The following EXOC5 variants were observed in gnomAD, a reference collection of about 807,000 sequenced individuals.
EXOC5 encodes the protein exocyst complex component 5, also known as SEC10-like 1.
In EXOC5, 17 loss-of-function variants were observed where a neutral mutation model predicts 90.8. The ratio of observed to expected loss-of-function variants is 0.19; its 90% CI spans 0.13 to 0.28. EXOC5 has a LOEUF of 0.28. EXOC5 is among the 10% of genes least tolerant of loss of function. EXOC5 has a pLI of 1.00. For missense variants in EXOC5, 569 were observed against 830.6 expected (o/e 0.69, Z 3.87); for synonymous variants, 260 against 270.0 (o/e 0.96, Z 0.36).
In EXOC5 at chr14:57,219,344, C is replaced by A; in HGVS notation, c.1504G>T (p.Asp502Tyr). 1 of 1,530,472 alleles carries A rather than the reference C, an allele frequency of 6.5e-7. No individual in the cohort carries two copies. The highest frequency in any genetic ancestry group is 2.4e-5 in the East Asian group (1 of 42,304). 94.8% of individuals were successfully genotyped at this position (1,530,472 alleles called of 1,614,324 possible). A position where few individuals can be genotyped will look rare whatever the true frequency, so the allele number is the denominator to read the frequency against. ...AACCTTATTAGTGGCATAAGGTGAT[C>A]ATTAAACTGTTTGTCAAAAAGATGA... ...IFHLFDKQFN[D>Y]HLMPLISSSP... Residue 502 changes from aspartate (D) to tyrosine (Y), a missense_variant, in exon 14 of 18, where the codon GAT (aspartate) becomes TAT (tyrosine). By Grantham distance (160) the Asp-to-Tyr change is radical. This residue lies in a region of EXOC5 where 34 missense variants were observed against 101.1 expected (regional missense o/e 0.34). Coordinates refer to ENST00000621441, the MANE Select transcript of EXOC5 (RefSeq NM_006544.4).
intron 1 of EXOC5, among the ~76,000 whole-genome samples, chr14:57,257,430 A>G (rs1884380058): frequency 6.6e-6 from 1 of 152,226 alleles, no homozygotes; most frequent in South Asian, 2.1e-4. Flanking sequence ...AATCATCAAC[A>G]TATAGATGGT....
At chr14:57,244,467 A>C (rs988787360) in intron 3 of EXOC5, 108 bp from the exon 4 acceptor site, 2 of 802,356 alleles carry the variant, frequency 2.5e-6, no homozygotes, top group South Asian at 3.2e-5. Context: ...TATATACGAG[A>C]TGATCTACAA....
chr14:57,227,812 T>C (rs1378096994), intron 12 of EXOC5, among the ~76,000 whole-genome samples: 1 of 152,110 alleles, frequency 6.6e-6, no homozygotes, highest in African/African-American at 2.4e-5. Flanking sequence ...ATTATATACA[T>C]CAACATAAAT....
chr14:57,226,407 G>T (rs906067109), intron 12 of EXOC5, among the ~76,000 whole-genome samples: 1 of 152,090 alleles, frequency 6.6e-6, no homozygotes, highest in South Asian at 2.1e-4. Flanking sequence ...ATCTTAAAAA[G>T]ACCATTTACA....
At chr14:57,249,404 C>T (rs1472786974) in intron 1 of EXOC5, among the ~76,000 whole-genome samples, 3 of 149,434 alleles carry the variant, frequency 2.0e-5, no homozygotes, top group African/African-American at 7.7e-5. Flanking sequence ...TTCAATTAAA[C>T]ACGTTATACT....
Position 57,244,166 on chromosome 14 carries a change from TTTTCA to T in EXOC5, c.459_463del (p.Glu154AspfsTer21). On this transcript the variant is annotated frameshift_variant and splice_region_variant, in exon 4 of 18. Coordinates refer to ENST00000621441, the MANE Select transcript of EXOC5 (RefSeq NM_006544.4). LOFTEE classifies it high-confidence loss of function. ...GTTTTATCCTCTGACAGCACTTACC[TTTTCA>T]GAATTTGTAAAAACATCAGATTTCA... 6.2e-7 allele frequency: 1 copy of T among 1,608,732 alleles called. No individual in the cohort carries two copies. Among genetic ancestry groups the T allele is most frequent in the Non-Finnish European group, 8.5e-7 (1 of 1,175,356 alleles).
At chr14:57,255,448 C>T (rs937583285) in intron 1 of EXOC5, among the ~76,000 whole-genome samples, 4 of 152,082 alleles carry the variant, frequency 2.6e-5, no homozygotes, top group African/African-American at 9.7e-5. Flanking sequence ...CAGTTTACAG[C>T]AAAGGAGGTA....
rs553259272 is a variant in EXOC5, at chr14:57,232,612, T to C, written c.938+55A>G. 16 of 761,032 alleles carry C rather than the reference T, an allele frequency of 2.1e-5. No individual in the cohort carries two copies. In the Admixed American group the frequency reaches 3.7e-4, roughly 17 times the overall value. 47.1% of individuals were successfully genotyped at this position (761,032 alleles called of 1,614,324 possible). A position where few individuals can be genotyped will look rare whatever the true frequency, so the allele number is the denominator to read the frequency against. On this transcript the variant is annotated intron_variant, in intron 10 of 17. Transcript: ENST00000621441. ...ATACCTGAATACTTCCTTGTTTTTA[T>C]CAAAAAAATTTAAAAAATCTGTTAT...
intron 5 of EXOC5, among the ~76,000 whole-genome samples, chr14:57,239,105 T>C (rs1049030984): frequency 6.6e-6 from 1 of 151,960 alleles, no homozygotes. Context: ...TAGGCTAGAG[T>C]CTAAAACTCC....
At chr14:57,237,869 T>C (rs893133377) in intron 5 of EXOC5, among the ~76,000 whole-genome samples, 1 of 152,118 alleles carries the variant, frequency 6.6e-6, no homozygotes, top group Non-Finnish European at 1.5e-5. Flanking sequence ...TATGATGATA[T>C]ATTAATGACA....
intron 4 of EXOC5, 84 bp downstream of exon 4, chr14:57,244,081 A>C: frequency 2.3e-6 from 2 of 883,692 alleles, no homozygotes; most frequent in Non-Finnish European, 3.6e-6. Flanking sequence ...TTGAAGTCTA[A>C]CTCTGGAAAG....
intron 5 of EXOC5, among the ~76,000 whole-genome samples, chr14:57,238,367 TATATATATACACACAC>T (rs1305356881): frequency 3.1e-5 from 3 of 96,770 alleles, no homozygotes; most frequent in African/African-American, 1.1e-4. Context: ...TATATATATA[TATATATATACACACAC>T]ACACACACAC....
chr14:57,231,444 C>T, intron 11 of EXOC5, 62 bp downstream of exon 11: 1 of 1,143,772 alleles, frequency 8.7e-7, no homozygotes. Flanking sequence ...ATAATTTGCC[C>T]AAATATAATG....
chr14:57,248,947 C>T (rs1331977507), intron 1 of EXOC5, among the ~76,000 whole-genome samples: 2 of 152,012 alleles, frequency 1.3e-5, no homozygotes, highest in Non-Finnish European at 2.9e-5. Context: ...AGATTTTTAA[C>T]GTCATCTAAA....
chr14:57,261,078 T>A (rs1045361487), intron 1 of EXOC5, among the ~76,000 whole-genome samples: 7 of 152,218 alleles, frequency 4.6e-5, no homozygotes, highest in Non-Finnish European at 7.4e-5. Flanking sequence ...TTCAAGGAAG[T>A]AACATCAGAA....
At position 57,260,950 on chromosome 14, in the gene EXOC5, TAGACACCTTGGAAATGAAATTAA is replaced by T. The variant is rs1472173689; in HGVS notation, c.27+7649_27+7671del. On this transcript the variant is annotated intron_variant, in intron 1 of 17. Coordinates refer to ENST00000621441, the MANE Select transcript of EXOC5 (RefSeq NM_006544.4). ...GTTAAATATTCTTACAGGCATTTAA[TAGACACCTTGGAAATGAAATTAA>T]ACAAGTGAAAGAATCATTTGCTTCT... 2.6e-5 allele frequency among the ~76,000 whole-genome samples: 4 copies of T among 152,212 alleles called. No individual in the cohort carries two copies. The East Asian group carries it at 7.7e-4, about 29-fold the overall frequency.
At chr14:57,250,287 G>A (rs1265288090) in intron 1 of EXOC5, among the ~76,000 whole-genome samples, 1 of 152,056 alleles carries the variant, frequency 6.6e-6, no homozygotes, top group East Asian at 1.9e-4. Context: ...GGTCAAGAGA[G>A]GTAATGAGAC....
Position 57,268,884 on chromosome 14 carries a change from C to T in EXOC5, c.-236G>A. ...CCCGCGCTGCTCCCATTGTCACCGC[C>T]TCATACGCCGGAAGTGGAACTGCGC... On this transcript the variant is annotated 5_prime_UTR_variant, in exon 1 of 18. Coordinates refer to ENST00000621441, the MANE Select transcript of EXOC5 (RefSeq NM_006544.4). The T allele has an allele frequency of 2.7e-6, 3 of 1,116,838 alleles. No individual in the cohort carries two copies. The highest frequency in any genetic ancestry group is 3.6e-6 in the Non-Finnish European group (3 of 827,694). 69.2% of individuals were successfully genotyped at this position (1,116,838 alleles called of 1,614,324 possible). A position where few individuals can be genotyped will look rare whatever the true frequency, so the allele number is the denominator to read the frequency against.
At chr14:57,256,813 T>C (rs1447129154) in intron 1 of EXOC5, among the ~76,000 whole-genome samples, 2 of 152,118 alleles carry the variant, frequency 1.3e-5, no homozygotes, top group Non-Finnish European at 2.9e-5. Context: ...ACCACTTTGG[T>C]CCAAAGCAGG....
Sources: gnomAD v4.1 joint callset for allele counts (sites outside exome capture counted in the v4.1 genomes callset) on GRCh38, gnomAD v4.1.1 for gene constraint, gnomAD v4.1.1 regional missense constraint, MANE v1.5 for transcripts, NCBI Gene and HGNC (gene_info 2026-07-23, HGNC 2026-07-21) for gene names.